The following MCC variants were observed in gnomAD, a reference collection of about 807,000 sequenced individuals.
MCC encodes the protein colorectal mutant cancer protein.
In MCC, 90 loss-of-function variants were observed where a neutral mutation model predicts 116.2. The ratio of observed to expected loss-of-function variants is 0.77; its 90% CI spans 0.65 to 0.92. The LOEUF is 0.92. MCC is among the 40% of genes least tolerant of loss of function. The pLI, the probability that MCC is intolerant of heterozygous loss-of-function variation, is 0.00. For missense variants in MCC, 1,516 were observed against 1,312.2 expected (o/e 1.16, Z -2.40); for synonymous variants, 578 against 510.5 (o/e 1.13, Z -1.78).
intron 1 of MCC, among the ~76,000 whole-genome samples, chr5:113,457,055 G>A (rs909941125): frequency 9.2e-5 from 14 of 152,224 alleles, no homozygotes; most frequent in Admixed American, 6.5e-5. Context: ...CACTTGAGGA[G>A]CCCTTCAGCC....
At chr5:113,457,964 C>T (rs1445435636) in intron 1 of MCC, among the ~76,000 whole-genome samples, 1 of 152,068 alleles carries the variant, frequency 6.6e-6, no homozygotes, top group East Asian at 1.9e-4. Context: ...TGTGTCCACA[C>T]TCTGTATCTA....
At chr5:113,229,857 T>A (rs1481936348) in intron 3 of MCC, among the ~76,000 whole-genome samples, 1 of 152,200 alleles carries the variant, frequency 6.6e-6, no homozygotes, top group Non-Finnish European at 1.5e-5. Flanking sequence ...GGCCTAGATG[T>A]GTAGTAAGTA....
At chr5:113,030,609 G>A (rs1750885397) in intron 17 of MCC, among the ~76,000 whole-genome samples, 1 of 152,128 alleles carries the variant, frequency 6.6e-6, no homozygotes, top group African/African-American at 2.4e-5. Context: ...GAGTCCAGGA[G>A]GTCAAGACCA....
chr5:113,241,792 G>A (rs1764377976), intron 3 of MCC, among the ~76,000 whole-genome samples: 1 of 152,192 alleles, frequency 6.6e-6, no homozygotes. Flanking sequence ...AATGTTGGAA[G>A]CCAGGCCAAC....
chr5:113,471,054 C>T (rs182144836), intron 1 of MCC, among the ~76,000 whole-genome samples: 91 of 152,252 alleles, frequency 6.0e-4, no homozygotes, highest in African/African-American at 2.1e-3. Flanking sequence ...GACTTCTCTG[C>T]GTTGGTTATT....
intron 3 of MCC, among the ~76,000 whole-genome samples, chr5:113,294,046 T>C (rs375064303): frequency 2.6e-5 from 4 of 152,310 alleles, no homozygotes; most frequent in East Asian, 3.9e-4. Context: ...GAACAAGGGA[T>C]GCAGACTGTC....
At chr5:113,229,848 G>A (rs1201429563) in intron 3 of MCC, among the ~76,000 whole-genome samples, 2 of 152,160 alleles carry the variant, frequency 1.3e-5, no homozygotes, top group Non-Finnish European at 2.9e-5. Flanking sequence ...ACACCATATG[G>A]CCTAGATGTG....
In MCC at chr5:113,024,844, C is replaced by A. The variant is rs1750418963; in HGVS notation, c.*2458G>T. 6.6e-6 allele frequency: 1 copy of A among 151,988 alleles called. No homozygotes were observed. Among genetic ancestry groups the A allele is most frequent in the Non-Finnish European group, 1.5e-5 (1 of 67,990 alleles). The allele number at this position is 151,988 out of a possible 1,614,324, so 9.4% of individuals were successfully genotyped here. On this transcript the variant is annotated 3_prime_UTR_variant, in exon 19 of 19. Coordinates refer to ENST00000408903, the MANE Select transcript of MCC (RefSeq NM_001085377.2). ...TGTCTTGGGGAGTATTTGAAAAATA[C>A]AAGAAAAGGAAAAACTTTTATAGCT...
intron 1 of MCC, among the ~76,000 whole-genome samples, chr5:113,393,509 T>G (rs963382213): frequency 1.4e-4 from 22 of 152,226 alleles, no homozygotes; most frequent in Non-Finnish European, 2.6e-4. Flanking sequence ...GAGCATCTGG[T>G]TATTTTCCTG....
At chr5:113,073,632 G>A (rs1465616424) in intron 11 of MCC, among the ~76,000 whole-genome samples, 1 of 150,432 alleles carries the variant, frequency 6.6e-6, no homozygotes, top group Non-Finnish European at 1.5e-5. Flanking sequence ...GTGGCCATAA[G>A]AATATCAGTT....
chr5:113,093,676 T>A (rs557777642), intron 8 of MCC, among the ~76,000 whole-genome samples: 43 of 152,040 alleles, frequency 2.8e-4, no homozygotes, highest in Non-Finnish European at 5.3e-4. Context: ...ATGAGACAGG[T>A]CAGCTATGCG....
chr5:113,217,311 G>C (rs1480640159), intron 3 of MCC, among the ~76,000 whole-genome samples: 2 of 152,104 alleles, frequency 1.3e-5, no homozygotes, highest in African/African-American at 4.8e-5. Context: ...TTTCCTGATA[G>C]AATTTACCAT....
intron 3 of MCC, among the ~76,000 whole-genome samples, chr5:113,191,758 A>G (rs1283684562): frequency 6.6e-6 from 1 of 152,230 alleles, no homozygotes; most frequent in Non-Finnish European, 1.5e-5. Context: ...ATTATAGAAC[A>G]GCGATGAGAA....
intron 14 of MCC, among the ~76,000 whole-genome samples, chr5:113,060,792 TG>T (rs1335258488): frequency 6.6e-6 from 1 of 152,068 alleles, no homozygotes; most frequent in Non-Finnish European, 1.5e-5. Context: ...ATGTCAAGGA[TG>T]TGTCGGGGCT....
intron 1 of MCC, among the ~76,000 whole-genome samples, chr5:113,476,934 TAAAG>T (rs1405905770): frequency 6.6e-5 from 10 of 152,346 alleles, no homozygotes; most frequent in African/African-American, 1.9e-4. Context: ...AAATATAACT[TAAAG>T]AAATGTATGT....
intron 11 of MCC, among the ~76,000 whole-genome samples, chr5:113,075,060 G>C (rs987196491): frequency 3.9e-5 from 6 of 152,214 alleles, no homozygotes; most frequent in African/African-American, 1.4e-4. Context: ...TGTGGAGGGA[G>C]AGGTGCGTGG....
At chr5:113,093,022 A>G (rs1755753108) in intron 8 of MCC, among the ~76,000 whole-genome samples, 1 of 152,264 alleles carries the variant, frequency 6.6e-6, no homozygotes, top group Non-Finnish European at 1.5e-5. Context: ...ACACAGGACC[A>G]GATGTACACA....
intron 3 of MCC, among the ~76,000 whole-genome samples, chr5:113,266,301 A>G (rs1765415375): frequency 6.6e-6 from 1 of 152,042 alleles, no homozygotes. Context: ...AAACCTATAC[A>G]GGAAAAAATT....
At chr5:113,183,130 C>T (rs1761714437) in intron 3 of MCC, among the ~76,000 whole-genome samples, 1 of 152,122 alleles carries the variant, frequency 6.6e-6, no homozygotes, top group Admixed American at 6.5e-5. Flanking sequence ...ATACGCCTCA[C>T]GCAGTGGGGG....
Sources: allele counts gnomAD v4.1 joint callset (sites outside exome capture counted in the v4.1 genomes callset), GRCh38; gene constraint gnomAD v4.1.1; transcripts MANE v1.5; gene names NCBI Gene and HGNC (gene_info 2026-07-23, HGNC 2026-07-21).